RBPJ: variants seen among roughly 807,000 people sequenced by gnomAD.
RBPJ encodes the protein recombination signal binding protein for immunoglobulin kappa J region.
In RBPJ, 9 loss-of-function variants were observed where a neutral mutation model predicts 67.8. The ratio of observed to expected loss-of-function variants is 0.13; its 90% CI spans 0.08 to 0.23. RBPJ has a LOEUF of 0.23. Among genes scored for constraint, RBPJ ranks in the 10% least tolerant of loss-of-function variants. RBPJ has a pLI of 1.00. For missense variants in RBPJ, 305 were observed against 595.6 expected, an observed-to-expected ratio of 0.51 and a Z score of 5.08; for synonymous variants, 198 against 203.3, an observed-to-expected ratio of 0.97 and a Z score of 0.22.
At chr4:26,153,905 G>A in the RBPJ span, among the ~76,000 whole-genome samples, 1 of 152,032 alleles carries the variant, frequency 6.6e-6, no homozygotes, top group Non-Finnish European at 1.5e-5. Flanking sequence ...CTGAGATCGT[G>A]CCACTGCACT....
At chr4:26,396,533 A>G (rs542384716) in intron 2 of RBPJ, among the ~76,000 whole-genome samples, 1 of 152,368 alleles carries the variant, frequency 6.6e-6, no homozygotes, top group South Asian at 2.1e-4. Context: ...ATTTTTCTCT[A>G]CATAAGAGGT....
At chr4:26,146,696 A>G in the RBPJ span, among the ~76,000 whole-genome samples, 1 of 152,322 alleles carries the variant, frequency 6.6e-6, no homozygotes, top group East Asian at 1.9e-4. Context: ...ATAAACATTA[A>G]CACATAAGAA....
chr4:26,210,686 C>CTTTCTTTCTTTTT, intron 1 of RBPJ, among the ~76,000 whole-genome samples: 1 of 65,434 alleles, frequency 1.5e-5, no homozygotes, highest in African/African-American at 5.3e-5. Flanking sequence ...TTCTTTCTTT[C>CTTTCTTTCTTTTT]CTTTCTTTCT....
At chr4:26,240,858 G>A (rs1001081921) in intron 1 of RBPJ, among the ~76,000 whole-genome samples, 1 of 152,176 alleles carries the variant, frequency 6.6e-6, no homozygotes, top group Non-Finnish European at 1.5e-5. Flanking sequence ...TCTCCAAGTT[G>A]AGAAAGGATT....
chr4:26,181,300 A>G (rs1213799909), intron 1 of RBPJ, among the ~76,000 whole-genome samples: 1 of 152,232 alleles, frequency 6.6e-6, no homozygotes, highest in African/African-American at 2.4e-5. Flanking sequence ...CACAGTCTAA[A>G]CAAAGGAAAT....
At chr4:26,329,620 C>T (rs1057409516) in intron 1 of RBPJ, among the ~76,000 whole-genome samples, 2 of 152,002 alleles carry the variant, frequency 1.3e-5, no homozygotes, top group Admixed American at 6.5e-5. Flanking sequence ...GCCGGCTGGG[C>T]GCGGTGGCTC....
intron 1 of RBPJ, among the ~76,000 whole-genome samples, chr4:26,293,139 T>C (rs1382792286): frequency 1.3e-5 from 2 of 150,090 alleles, no homozygotes; most frequent in Admixed American, 6.7e-5. Context: ...CTTAGGCCAG[T>C]TGGGGTCCTT....
chr4:26,198,155 G>A (rs1312368017), intron 1 of RBPJ, among the ~76,000 whole-genome samples: 2 of 152,190 alleles, frequency 1.3e-5, no homozygotes, highest in African/African-American at 4.8e-5. Context: ...TCGGGAGGCT[G>A]AGGCCGGAGA....
chr4:26,191,229 AGAGAG>A, intron 1 of RBPJ, among the ~76,000 whole-genome samples: 19 of 126,490 alleles, frequency 1.5e-4, no homozygotes, highest in African/African-American at 5.0e-4. Flanking sequence ...AGAGAGAGAG[AGAGAG>A]AGAGAGATAG....
the RBPJ span, among the ~76,000 whole-genome samples, chr4:26,140,620 G>T: frequency 1.0e-5 from 1 of 99,716 alleles, no homozygotes; most frequent in South Asian, 4.1e-4. Flanking sequence ...AGCCAAAGCC[G>T]CCCCACCCCC....
At chr4:26,161,424 A>G (rs1195146098), upstream of RBPJ, among the ~76,000 whole-genome samples, 1 of 152,236 alleles carries the variant, frequency 6.6e-6, no homozygotes, top group African/African-American at 2.4e-5. Context: ...ATTTATTAAA[A>G]GGTTGCAGCC....
chr4:26,244,325 A>ATATGTATG (rs1719814212), intron 1 of RBPJ, among the ~76,000 whole-genome samples: 3 of 220 alleles, frequency 0.014, 1 homozygote, highest in South Asian at 0.25. Context: ...GTATATGTAT[A>ATATGTATG]CACATATGTG....
At chr4:26,281,853 C>T (rs189632910) in intron 1 of RBPJ, among the ~76,000 whole-genome samples, 46 of 152,284 alleles carry the variant, frequency 3.0e-4, no homozygotes, top group Middle Eastern at 3.4e-3. Flanking sequence ...AGAAGAGTTA[C>T]GCTAATTTAA....
the RBPJ span, among the ~76,000 whole-genome samples, chr4:26,124,402 A>T: frequency 8.3e-6 from 1 of 121,142 alleles, no homozygotes; most frequent in African/African-American, 3.2e-5. Flanking sequence ...TTTATGGCTG[A>T]GTAGTATTCC....
chr4:26,111,067 C>A, the RBPJ span, among the ~76,000 whole-genome samples: 3 of 152,192 alleles, frequency 2.0e-5, no homozygotes, highest in Non-Finnish European at 4.4e-5. Context: ...TGAGCCAGCT[C>A]CCTTTGAGGA....
At chr4:26,374,440 A>G (rs1729496162) in intron 1 of RBPJ, among the ~76,000 whole-genome samples, 1 of 151,138 alleles carries the variant, frequency 6.6e-6, no homozygotes. Context: ...AGTGCACTTT[A>G]CAATTCTGTC....
intron 1 of RBPJ, among the ~76,000 whole-genome samples, chr4:26,273,458 C>G (rs1012876252): frequency 6.6e-6 from 1 of 152,198 alleles, no homozygotes; most frequent in African/African-American, 2.4e-5. Flanking sequence ...GAGCGTGGAG[C>G]GGGCCTCCCG....
chr4:26,109,487 T>C, the RBPJ span, among the ~76,000 whole-genome samples: 6 of 60,390 alleles, frequency 9.9e-5, no homozygotes, highest in African/African-American at 1.5e-4. Context: ...TATATATATA[T>C]ATATACACAC....
intron 1 of RBPJ, among the ~76,000 whole-genome samples, chr4:26,330,926 C>T (rs1724177022): frequency 6.6e-6 from 1 of 152,066 alleles, no homozygotes; most frequent in South Asian, 2.1e-4. Flanking sequence ...CTGTGTGACA[C>T]GTGTGATATA....
Sources: allele counts gnomAD v4.1 joint callset (sites outside exome capture counted in the v4.1 genomes callset), GRCh38; gene constraint gnomAD v4.1.1; transcripts MANE v1.5; gene names NCBI Gene and HGNC (gene_info 2026-07-23, HGNC 2026-07-21).